The following ALK variants were observed in gnomAD, a reference collection of about 807,000 sequenced individuals.
ALK encodes the protein ALK receptor tyrosine kinase.
ALK carries 74 observed loss-of-function variants against 163.1 expected under a neutral mutation model. The observed-to-expected ratio is 0.45, with a 90% CI of 0.38 to 0.55. The LOEUF is 0.55. ALK is among the 20% of genes least tolerant of loss of function. The probability of loss-of-function intolerance (pLI) is 0.00; values close to 1 mark genes in which losing one functional copy is unlikely to be tolerated. For synonymous variants in ALK, 960 were observed against 843.2 expected (o/e 1.14, Z -2.40); for missense variants, 2,063 against 2,105.3 (o/e 0.98, Z 0.39).
chr2:29,273,383 G>A (rs576600093), intron 11 of ALK, among the ~76,000 whole-genome samples: 6 of 152,362 alleles, frequency 3.9e-5, no homozygotes, highest in African/African-American at 1.4e-4. Context: ...GGGGAGACTT[G>A]TGTTCCAGCT....
At chr2:29,231,978 G>A (rs940865958) in intron 15 of ALK, among the ~76,000 whole-genome samples, 1 of 152,172 alleles carries the variant, frequency 6.6e-6, no homozygotes, top group Admixed American at 6.5e-5. Context: ...TATCCTAACT[G>A]GGGGGCCCAT....
intron 11 of ALK, among the ~76,000 whole-genome samples, chr2:29,256,820 G>T (rs1664960646): frequency 6.6e-6 from 1 of 152,124 alleles, no homozygotes; most frequent in African/African-American, 2.4e-5. Context: ...CATGGGCTGT[G>T]CAGGATCAAA....
At chr2:29,820,310 T>C (rs541318343) in intron 1 of ALK, among the ~76,000 whole-genome samples, 1 of 152,312 alleles carries the variant, frequency 6.6e-6, no homozygotes, top group South Asian at 2.1e-4. Context: ...TGAGCCATTA[T>C]GGAAGCAGAT....
At chr2:29,270,223 T>TA (rs34647085) in intron 11 of ALK, among the ~76,000 whole-genome samples, 1 of 152,244 alleles carries the variant, frequency 6.6e-6, no homozygotes, top group African/African-American at 2.4e-5. Context: ...TTCTAAATGT[T>TA]ATCTGGCTTA....
intron 26 of ALK, among the ~76,000 whole-genome samples, chr2:29,203,701 G>C (rs1345451001): frequency 6.6e-6 from 1 of 151,448 alleles, no homozygotes; most frequent in Non-Finnish European, 1.5e-5. Flanking sequence ...GGCCAGGCTG[G>C]TCTCGAACTC....
intron 1 of ALK, among the ~76,000 whole-genome samples, chr2:29,785,731 G>C (rs1663992453): frequency 6.6e-6 from 1 of 152,002 alleles, no homozygotes; most frequent in African/African-American, 2.4e-5. Flanking sequence ...TTTAGTATAA[G>C]CCCCAAAGCC....
chr2:29,498,744 TTGAGA>T (rs1672094541), intron 4 of ALK, among the ~76,000 whole-genome samples: 2 of 152,372 alleles, frequency 1.3e-5, no homozygotes, highest in Admixed American at 6.5e-5. Flanking sequence ...GCCGCCCTGA[TTGAGA>T]TAAGTATGTA....
intron 1 of ALK, among the ~76,000 whole-genome samples, chr2:29,809,655 G>A (rs955008258): frequency 2.0e-5 from 3 of 152,220 alleles, no homozygotes; most frequent in Admixed American, 6.5e-5. Flanking sequence ...AGATCCCCAT[G>A]ATCCCTACTT....
intron 4 of ALK, among the ~76,000 whole-genome samples, chr2:29,474,840 C>T (rs1671464779): frequency 6.6e-6 from 1 of 152,102 alleles, no homozygotes; most frequent in South Asian, 2.1e-4. Context: ...GGTGGTTCAT[C>T]AGATCAAGTT....
At chr2:29,362,953 C>T (rs148580922) in intron 5 of ALK, among the ~76,000 whole-genome samples, 3 of 152,306 alleles carry the variant, frequency 2.0e-5, no homozygotes, top group East Asian at 3.9e-4. Flanking sequence ...AGTAACTCCC[C>T]ATCTAGTATT....
chr2:29,417,674 T>A (rs181484382), intron 4 of ALK, among the ~76,000 whole-genome samples: 6 of 152,332 alleles, frequency 3.9e-5, no homozygotes, highest in Non-Finnish European at 7.4e-5. Context: ...CTACATCCTG[T>A]GATCACCAAG....
At chr2:29,275,690 G>A (rs1432420494) in intron 9 of ALK, among the ~76,000 whole-genome samples, 194 bp from the exon 10 acceptor site, 4 of 152,272 alleles carry the variant, frequency 2.6e-5, no homozygotes, top group East Asian at 1.9e-4. Context: ...TTCCCCTTCC[G>A]AACTATCGCT....
chr2:29,851,941 C>T (rs1666004883), intron 1 of ALK, among the ~76,000 whole-genome samples: 1 of 152,206 alleles, frequency 6.6e-6, no homozygotes, highest in Non-Finnish European at 1.5e-5. Flanking sequence ...AGAAGGTCAG[C>T]AGCAGTAAGT....
chr2:29,657,792 G>C (rs1677228522), intron 3 of ALK, among the ~76,000 whole-genome samples: 2 of 152,088 alleles, frequency 1.3e-5, no homozygotes, highest in African/African-American at 4.8e-5. Flanking sequence ...CTACGATGGG[G>C]CTGTAACTAA....
In ALK at chr2:29,598,336, T is replaced by C. The variant is rs115974471; in HGVS notation, c.953-66220A>G. ...CCACCATGCCCGGTACAGAGAGTAC[T>C]TCTAAAAAGAGAACACTAGTTGTTT... On this transcript the variant is annotated intron_variant, in intron 3 of 28. Coordinates refer to ENST00000389048, the MANE Select transcript of ALK (RefSeq NM_004304.5). Among the ~76,000 whole-genome samples the C allele has an allele frequency of 8.3e-3, 1,267 of 152,184 alleles. 18 individuals are homozygous for C. The highest frequency in any genetic ancestry group is 0.029 in the African/African-American group (1,191 of 41,494).
chr2:29,625,587 C>T (rs763113203), intron 3 of ALK, among the ~76,000 whole-genome samples: 6 of 152,130 alleles, frequency 3.9e-5, no homozygotes, highest in African/African-American at 9.7e-5. Context: ...GAAGGGGTTG[C>T]GTCGGGAGAA....
chr2:29,806,178 G>T (rs1280298299), intron 1 of ALK, among the ~76,000 whole-genome samples: 2 of 152,100 alleles, frequency 1.3e-5, no homozygotes, highest in African/African-American at 4.8e-5. Context: ...CCCTTAGGAT[G>T]GTCTTAAGAC....
intron 4 of ALK, among the ~76,000 whole-genome samples, chr2:29,474,234 G>A (rs1244228620): frequency 1.3e-5 from 2 of 152,150 alleles, no homozygotes; most frequent in African/African-American, 4.8e-5. Flanking sequence ...ACACAAAATA[G>A]TTAATACTAT....
At chr2:29,888,977 A>G (rs143712124) in intron 1 of ALK, among the ~76,000 whole-genome samples, 3,392 of 152,286 alleles carry the variant, frequency 0.022, 68 homozygotes, top group Middle Eastern at 0.085. Flanking sequence ...ATCCCAATGT[A>G]TAAAACCAAC....
Sources: allele counts gnomAD v4.1 joint callset (sites outside exome capture counted in the v4.1 genomes callset), GRCh38; gene constraint gnomAD v4.1.1; transcripts MANE v1.5; gene names NCBI Gene and HGNC (gene_info 2026-07-23, HGNC 2026-07-21).